The following RAE1 variants were observed in gnomAD, a reference collection of about 807,000 sequenced individuals.
RAE1 encodes ribonucleic acid export 1, also known as mRNA export factor RAE1.
Under a neutral mutation model 52.7 loss-of-function variants are expected in RAE1, and 13 were observed. That is an observed-to-expected ratio of 0.25 (90% confidence interval 0.16 to 0.39). RAE1 has a LOEUF of 0.39. Ranked by LOEUF, RAE1 falls within the 10% of genes least tolerant of loss-of-function variation. RAE1 has a pLI of 1.00. For synonymous variants in RAE1, 164 were observed against 153.1 expected (o/e 1.07, Z -0.52); for missense variants, 262 against 459.8 (o/e 0.57, Z 3.93).
At chr20:57,356,932 C>G (rs987687154) in intron 4 of RAE1, among the ~76,000 whole-genome samples, 1 of 152,192 alleles carries the variant, frequency 6.6e-6, no homozygotes, top group African/African-American at 2.4e-5. Context: ...CGGGCCTCGG[C>G]CTGGCGAGGG....
intron 10 of RAE1, 97 bp downstream of exon 10, chr20:57,373,835 G>T: frequency 8.0e-7 from 1 of 1,243,884 alleles, no homozygotes; most frequent in Non-Finnish European, 1.2e-6. Flanking sequence ...CATCACTGAA[G>T]AGCTTGTGTG....
chr20:57,370,697 A>G (rs2067023985), intron 8 of RAE1, among the ~76,000 whole-genome samples: 1 of 152,242 alleles, frequency 6.6e-6, no homozygotes, highest in South Asian at 2.1e-4. Flanking sequence ...CACCAGTACC[A>G]TCTACTTTAT....
rs376522917 is a variant in RAE1, at chr20:57,374,632, T to C, written c.851T>C (p.Val284Ala). The C allele has an allele frequency of 5.0e-6, 8 of 1,613,898 alleles. No homozygotes were observed. In the African/African-American group the frequency reaches 1.1e-4, roughly 22 times the overall value. ...GTAAATGGAATCGCGTTCCATCCTG[T>C]TCATGGCACCCTTGCAACTGTGGGA... Reference protein sequence around the residue: ...YAVNGIAFHPVHGTLATVGSD... With the variant: ...YAVNGIAFHPAHGTLATVGSD... The change falls in exon 11 of 12, where the codon GTT becomes GCT. Residue 284 changes from valine to alanine, a missense_variant. Physicochemically the swap from Val to Ala is moderately conservative, Grantham distance 64 (BLOSUM62 0). Transcript: ENST00000395841.
intron 5 of RAE1, 22 bp downstream of exon 5, chr20:57,365,464 A>G (rs376172034): frequency 7.3e-5 from 113 of 1,540,578 alleles, no homozygotes; most frequent in Non-Finnish European, 8.7e-5. Context: ...CTCTGCAGAA[A>G]GGCTAGGCAC....
chr20:57,366,413 G>GGGAGCAGGAGAT (rs900228520), intron 5 of RAE1, among the ~76,000 whole-genome samples: 2 of 152,182 alleles, frequency 1.3e-5, no homozygotes, highest in Admixed American at 6.5e-5. Flanking sequence ...GGAATCCCAA[G>GGGAGCAGGAGAT]GGAGCAGGAG....
rs2067150084 is a variant in RAE1, at chr20:57,378,700, T to C, written c.*601T>C. On this transcript the variant is annotated 3_prime_UTR_variant, in exon 12 of 12. Coordinates refer to ENST00000395841, the MANE Select transcript of RAE1 (RefSeq NM_003610.4). ...TTCCTTGCTTCCCTCATTCCCATCT[T>C]CAAAATCCCCAGTGCTTTCTGGCCT... 6.6e-6 allele frequency: 1 copy of C among 152,336 alleles called. No homozygotes were observed. Among genetic ancestry groups the C allele is most frequent in the Admixed American group, 6.5e-5 (1 of 15,288 alleles). The allele number at this position is 152,336 out of a possible 1,614,324, so 9.4% of individuals were successfully genotyped here.
Position 57,356,447 on chromosome 20 carries a change from T to C in RAE1, c.197T>C (p.Val66Ala), listed in dbSNP as rs1056696005. The C allele has an allele frequency of 6.2e-7, 1 of 1,610,828 alleles. No individual in the cohort carries two copies. Among genetic ancestry groups the C allele is most frequent in the Non-Finnish European group, 8.5e-7 (1 of 1,177,766 alleles). ...FLIAGSWAND[V>A]RCWEVQDSGQ... ...CATTGAATTTTTTTGTTACTACAGG[T>C]TCGCTGCTGGGAAGTTCAAGACAGT... The change falls in exon 4 of 12, where the codon GTT (valine) becomes GCT (alanine). Residue 66 changes from valine to alanine, a missense_variant and splice_region_variant. Val to Ala is a moderately conservative substitution (Grantham distance 64). Transcript: ENST00000395841.
At chr20:57,356,615 C>T in intron 4 of RAE1, 77 bp downstream of exon 4, 1 of 1,280,594 alleles carries the variant, frequency 7.8e-7, no homozygotes, top group Non-Finnish European at 1.1e-6. Flanking sequence ...AATCCAAACA[C>T]AAATAGCATA....
chr20:57,359,494 T>C (rs2066858738), intron 4 of RAE1: 1 of 152,458 alleles, frequency 6.6e-6, no homozygotes, highest in African/African-American at 2.4e-5. Flanking sequence ...GTGGCTGCTT[T>C]TGGGCCAACT....
intron 10 of RAE1, 111 bp downstream of exon 10, chr20:57,373,849 A>G: frequency 8.9e-7 from 1 of 1,126,080 alleles, no homozygotes; most frequent in Admixed American, 2.0e-5. Flanking sequence ...TTGTGTGTTC[A>G]TGTCCGGAGA....
rs961552315 is a variant in RAE1, at chr20:57,351,304, G to C, written c.-126G>C. On this transcript the variant is annotated 5_prime_UTR_variant, in exon 1 of 12. Transcript: ENST00000395841. ...TCTACCGCAGGCTTAAGGAGGCTTC[G>C]GGCTCCTGGGATTTCTGTCCGCGCT... 5.1e-6 allele frequency: 5 copies of C among 985,346 alleles called. No homozygotes were observed. The African/African-American group carries it at 8.7e-5, about 17-fold the overall frequency. The allele number at this position is 985,346 out of a possible 1,614,324, so 61.0% of individuals were successfully genotyped here.
chr20:57,366,778 G>C, intron 5 of RAE1, 29 bp from the exon 6 acceptor site: 1 of 1,558,330 alleles, frequency 6.4e-7, no homozygotes, highest in Non-Finnish European at 8.9e-7. Context: ...CATTTACCTT[G>C]ATCTGTTTTG....
At chr20:57,374,133 G>A (rs2067077025) in intron 10 of RAE1, among the ~76,000 whole-genome samples, 3 of 152,188 alleles carry the variant, frequency 2.0e-5, no homozygotes, top group African/African-American at 4.8e-5. Context: ...GCCCGCCTCG[G>A]CCTCCCAAAG....
chr20:57,363,971 G>A (rs1015782364), intron 4 of RAE1, among the ~76,000 whole-genome samples: 1 of 152,216 alleles, frequency 6.6e-6, no homozygotes, highest in African/African-American at 2.4e-5. Context: ...GAGAACAAAA[G>A]TGACTGGCTG....
chr20:57,367,890 TTTTG>T (rs1419448777), intron 7 of RAE1, among the ~76,000 whole-genome samples: 1 of 152,104 alleles, frequency 6.6e-6, no homozygotes, highest in African/African-American at 2.4e-5. Context: ...TCTTTGTTTT[TTTTG>T]TTTGTTTGGT....
At chr20:57,362,843 G>C (rs993071803) in intron 4 of RAE1, among the ~76,000 whole-genome samples, 2 of 152,124 alleles carry the variant, frequency 1.3e-5, no homozygotes, top group Non-Finnish European at 2.9e-5. Flanking sequence ...GCAGTGGTGC[G>C]ATCTCAGCTC....
chr20:57,354,752 G>A lies in RAE1; in HGVS notation c.131G>A (p.Cys44Tyr). The A allele has an allele frequency of 6.2e-7, 1 of 1,603,572 alleles. No homozygotes were observed. Among genetic ancestry groups the A allele is most frequent in the Non-Finnish European group, 8.5e-7 (1 of 1,175,750 alleles). ...TCATCTCCTGATGATAGCATTGGTTGTCTGTCTTTTAGCCCACCAACCTTG... is the reference window on the plus strand; with the variant it reads ...TCATCTCCTGATGATAGCATTGGTTATCTGTCTTTTAGCCCACCAACCTTG... Reference protein sequence around the residue: ...VTSSPDDSIGCLSFSPPTLPG... With the variant: ...VTSSPDDSIGYLSFSPPTLPG... Residue 44 changes from cysteine to tyrosine, a missense_variant, in exon 3 of 12, where the codon TGT becomes TAT. Transcript: ENST00000395841.
At chr20:57,375,080 G>A (rs2067093091) in intron 11 of RAE1, 1 of 690,300 alleles carries the variant, frequency 1.4e-6, no homozygotes, top group Admixed American at 2.0e-5. Context: ...GGCAAGCCGG[G>A]GGCTGCACTT....
chr20:57,353,580 T>G (rs1437468724), intron 1 of RAE1, among the ~76,000 whole-genome samples: 6 of 152,226 alleles, frequency 3.9e-5, no homozygotes, highest in Non-Finnish European at 7.3e-5. Context: ...AATGTAGAAA[T>G]TAGTAGGAAA....
Sources: allele counts gnomAD v4.1 joint callset (sites outside exome capture counted in the v4.1 genomes callset), GRCh38; gene constraint gnomAD v4.1.1; transcripts MANE v1.5; gene names NCBI Gene and HGNC (gene_info 2026-07-23, HGNC 2026-07-21).